The following CCN5 variants were observed in gnomAD, a reference collection of about 807,000 sequenced individuals.
The protein encoded by CCN5 is CCN family member 5.
Under a neutral mutation model 18.7 loss-of-function variants are expected in CCN5, and 17 were observed. The ratio of observed to expected loss-of-function variants is 0.91; its 90% CI spans 0.62 to 1.36. CCN5 has a LOEUF of 1.36. Ranked by LOEUF, CCN5 falls within the 40% of genes most tolerant of loss-of-function variation. CCN5 has a pLI of 0.00. For synonymous variants in CCN5, 135 were observed against 145.2 expected (o/e 0.93, Z 0.50); for missense variants, 367 against 342.9 (o/e 1.07, Z -0.56).
chr20:44,727,076 T>C lies in CCN5; in HGVS notation c.533-11T>C. On this transcript the variant is annotated splice_polypyrimidine_tract_variant and intron_variant, in intron 3 of 3. Transcript: ENST00000190983. ...GCTGCTCAGTGCTAACTCTTGTTCT[T>C]TCCCCCCTAGGACCCCAGTTTTCTG... 2 of 1,563,744 alleles carry C rather than the reference T, an allele frequency of 1.3e-6. No individual in the cohort carries two copies. The highest frequency in any genetic ancestry group is 1.7e-6 in the Non-Finnish European group (2 of 1,152,782).
chr20:44,715,193 T>G, upstream of CCN5: 9 of 579,872 alleles, frequency 1.6e-5, no homozygotes, highest in East Asian at 6.0e-5. Flanking sequence ...GCCATGAGGA[T>G]GGGAAGCGAA....
chr20:44,720,436 A>T (rs762191080), intron 2 of CCN5: 1 of 432,958 alleles, frequency 2.3e-6, no homozygotes, highest in Non-Finnish European at 4.1e-6. Context: ...AGATGCCACC[A>T]CTCCCTTCTC....
intron 1 of CCN5, among the ~76,000 whole-genome samples, chr20:44,718,583 C>T (rs933714442): frequency 9.2e-5 from 14 of 152,082 alleles, no homozygotes; most frequent in African/African-American, 2.7e-4. Context: ...ATGTGGGTGG[C>T]GAGGGTCAGG....
chr20:44,727,189 T>G lies in CCN5; in HGVS notation c.635T>G (p.Met212Arg). 6.2e-7 allele frequency: 1 copy of G among 1,613,926 alleles called. No individual in the cohort carries two copies. The highest frequency in any genetic ancestry group is 8.5e-7 in the Non-Finnish European group (1 of 1,180,024). ...GPCSTTCGLG[M>R]ATRVSNQNRF... ...TGCTCGACCACCTGTGGGCTGGGCA[T>G]GGCCACCCGGGTGTCCAACCAGAAC... The change falls in exon 4 of 4, where the codon ATG becomes AGG. Residue 212 changes from methionine (M) to arginine (R), a missense_variant. Physicochemically the swap from Met to Arg is moderately conservative, Grantham distance 91. Coordinates refer to ENST00000190983, the MANE Select transcript of CCN5 (RefSeq NM_003881.4).
chr20:44,720,219 T>C (rs2065890010), intron 2 of CCN5, 106 bp downstream of exon 2: 2 of 1,190,772 alleles, frequency 1.7e-6, no homozygotes, highest in African/African-American at 1.5e-5. Flanking sequence ...CCTTGGGTGC[T>C]CACTTCAGGT....
chr20:44,719,830 G>A (rs2065884711), intron 1 of CCN5, 67 bp from the exon 2 acceptor site: 1 of 1,510,536 alleles, frequency 6.6e-7, no homozygotes, highest in African/African-American at 1.4e-5. Flanking sequence ...CAGAGAAGTG[G>A]CTGGTTGTGA....
chr20:44,723,111 C>G (rs551530485), intron 2 of CCN5, among the ~76,000 whole-genome samples: 48 of 152,242 alleles, frequency 3.2e-4, no homozygotes, highest in Non-Finnish European at 6.2e-4. Flanking sequence ...CTGACCTCCT[C>G]TCCTCCTGCT....
At position 44,727,304 on chromosome 20, in the gene CCN5, C is replaced by T. The variant is rs984781719; in HGVS notation, c.750C>T (p.Phe250=). ...GTCGCAGTCCACAAAACAGTGCCTT[C>T]TAGAGCCGGGCTGGGAATGGGGACA... ...SRGRSPQNSA[F] Residue 250 remains phenylalanine, a synonymous_variant, in exon 4 of 4, where the codon TTC becomes TTT. Coordinates refer to ENST00000190983, the MANE Select transcript of CCN5 (RefSeq NM_003881.4). 2 of 1,606,990 alleles carry T rather than the reference C, an allele frequency of 1.2e-6. No individual in the cohort carries two copies. Among genetic ancestry groups the T allele is most frequent in the African/African-American group, 2.7e-5 (2 of 74,782 alleles).
At chr20:44,717,840 C>A (rs1293803531) in intron 1 of CCN5, among the ~76,000 whole-genome samples, 1 of 149,244 alleles carries the variant, frequency 6.7e-6, no homozygotes, top group Admixed American at 6.7e-5. Flanking sequence ...GATCGTGCCA[C>A]TGCACTCCAG....
Position 44,727,345 on chromosome 20 carries a change from C to G in CCN5, c.*38C>G. 6.4e-7 allele frequency: 1 copy of G among 1,572,816 alleles called. No homozygotes were observed. On this transcript the variant is annotated 3_prime_UTR_variant, in exon 4 of 4. Coordinates refer to ENST00000190983, the MANE Select transcript of CCN5 (RefSeq NM_003881.4). ...AATGGGGACACGGTGTCCACCATCC[C>G]CAGCTGGTGGCCCTGTGCCTGGGCC...
At position 44,727,140 on chromosome 20, in the gene CCN5, G is replaced by A; in HGVS notation, c.586G>A (p.Glu196Lys). Residue 196 changes from glutamate (E) to lysine (K), a missense_variant, in exon 4 of 4, where the codon GAA (glutamate) becomes AAA (lysine). Glu to Lys is a moderately conservative substitution (Grantham distance 56, BLOSUM62 1). Coordinates refer to ENST00000190983, the MANE Select transcript of CCN5 (RefSeq NM_003881.4). Reference protein sequence around the residue: ...SSLPPGVPCPEWSTAWGPCST... With the variant: ...SSLPPGVPCPKWSTAWGPCST... The stretch of plus-strand genomic sequence containing the variant: ...CCTGCCCCCTGGTGTCCCCTGCCCA[G>A]AATGGAGCACGGCCTGGGGACCCTG... The A allele has an allele frequency of 6.2e-7, 1 of 1,612,690 alleles. No individual in the cohort carries two copies. Among genetic ancestry groups the A allele is most frequent in the Non-Finnish European group, 8.5e-7 (1 of 1,179,266 alleles).
In CCN5 at chr20:44,727,274, C is replaced by T. The variant is rs1486837538; in HGVS notation, c.720C>T (p.Ser240=). The T allele has an allele frequency of 5.0e-6, 8 of 1,613,262 alleles. No individual in the cohort carries two copies. Among genetic ancestry groups the T allele is most frequent in the Admixed American group, 1.7e-5 (1 of 59,960 alleles). The part of the protein sequence containing the change: ...RLCLSRPCPP[S]RGRSPQNSAF ...GCCTGTCCAGGCCCTGCCCACCCTC[C>T]AGGGGTCGCAGTCCACAAAACAGTG... The change falls in exon 4 of 4, where the codon TCC becomes TCT. Residue 240 remains serine, a synonymous_variant. Transcript: ENST00000190983.
chr20:44,715,499 A>T (rs1237076546), intron 1 of CCN5, 49 bp downstream of exon 1: 197 of 1,490,462 alleles, frequency 1.3e-4, no homozygotes, highest in Non-Finnish European at 1.6e-4. Flanking sequence ...TTGGGTGTGG[A>T]GGGGGTGGGG....
intron 2 of CCN5, 199 bp from the exon 3 acceptor site, chr20:44,724,539 G>A: frequency 1.3e-6 from 1 of 751,778 alleles, no homozygotes; most frequent in South Asian, 2.2e-5. Flanking sequence ...CTGTCTTCTT[G>A]CAATCCCTGT....
At position 44,727,670 on chromosome 20, in the gene CCN5, A is replaced by C; in HGVS notation, c.*363A>C. The C allele has an allele frequency of 1.8e-6, 1 of 559,280 alleles. No individual in the cohort carries two copies. The highest frequency in any genetic ancestry group is 2.7e-6 in the Non-Finnish European group (1 of 375,774). The allele number at this position is 559,280 out of a possible 1,614,324, so 34.6% of individuals were successfully genotyped here. On this transcript the variant is annotated 3_prime_UTR_variant, in exon 4 of 4. Transcript: ENST00000190983. Reference sequence around the variant, plus strand: ...AAGAGATGGGACAAGCAGTCCCTTAATATTGAGGCTGCAGCAGGTGCTGGG... The same window carrying C: ...AAGAGATGGGACAAGCAGTCCCTTACTATTGAGGCTGCAGCAGGTGCTGGG...
chr20:44,722,675 T>C (rs1367116612), intron 2 of CCN5, among the ~76,000 whole-genome samples: 1 of 152,048 alleles, frequency 6.6e-6, no homozygotes, highest in Non-Finnish European at 1.5e-5. Context: ...GGTTTCACCA[T>C]GTTGGCCAGG....
At chr20:44,725,232 A>T (rs759300684) in intron 3 of CCN5, among the ~76,000 whole-genome samples, 1 of 151,898 alleles carries the variant, frequency 6.6e-6, no homozygotes. Context: ...GAGGTTAGGA[A>T]TTCGAAACCA....
chr20:44,727,244 C>A lies in CCN5; in HGVS notation c.690C>A (p.Arg230=). 2 of 1,613,806 alleles carry A rather than the reference C, an allele frequency of 1.2e-6. No individual in the cohort carries two copies. Among genetic ancestry groups the A allele is most frequent in the Non-Finnish European group, 1.7e-6 (2 of 1,180,024 alleles). ...NRFCRLETQR[R]LCLSRPCPPS... The stretch of plus-strand genomic sequence containing the variant: ...TCTGCCGACTGGAGACCCAGCGCCG[C>A]CTGTGCCTGTCCAGGCCCTGCCCAC... Residue 230 remains arginine (R), a synonymous_variant, in exon 4 of 4, where the codon CGC becomes CGA. Coordinates refer to ENST00000190983, the MANE Select transcript of CCN5 (RefSeq NM_003881.4).
chr20:44,717,018 C>A (rs2065864245), intron 1 of CCN5, among the ~76,000 whole-genome samples: 1 of 152,134 alleles, frequency 6.6e-6, no homozygotes, highest in Non-Finnish European at 1.5e-5. Context: ...AGTACTCCTG[C>A]CCCAGATATC....
Sources: gnomAD v4.1 joint callset for allele counts (sites outside exome capture counted in the v4.1 genomes callset) on GRCh38, gnomAD v4.1.1 for gene constraint, MANE v1.5 for transcripts, NCBI Gene and HGNC (gene_info 2026-07-23, HGNC 2026-07-21) for gene names.